Variants in CELF2 observed in about 807,000 individuals in gnomAD.
CELF2 encodes the protein CUG triplet repeat RNA-binding protein 2.
Under a neutral mutation model 62.6 loss-of-function variants are expected in CELF2, and 8 were observed. The ratio of observed to expected loss-of-function variants is 0.13; its 90% confidence interval spans 0.07 to 0.23. The LOEUF (loss-of-function observed/expected upper bound fraction) is 0.23, where lower values mean the gene tolerates loss of function less well. Among genes scored for constraint, CELF2 ranks in the 10% least tolerant of loss-of-function variants. CELF2 has a pLI of 1.00. For synonymous variants in CELF2, 258 were observed against 250.0 expected (o/e 1.03, Z -0.30); for missense variants, 333 against 671.0 (o/e 0.50, Z 5.56).
At chr10:11,148,403 GA>G in intron 1 of CELF2, among the ~76,000 whole-genome samples, 1 of 152,314 alleles carries the variant, frequency 6.6e-6, no homozygotes, top group Admixed American at 6.5e-5. Context: ...TATTAGTAGT[GA>G]GTTTTGCCCA....
chr10:10,761,632 A>G, the CELF2 span, among the ~76,000 whole-genome samples: 3 of 152,172 alleles, frequency 2.0e-5, no homozygotes, highest in Non-Finnish European at 4.4e-5. Flanking sequence ...ACAAAAGCCA[A>G]CCTCCCACAT....
At chr10:10,705,994 C>T in the CELF2 span, among the ~76,000 whole-genome samples, 2 of 152,176 alleles carry the variant, frequency 1.3e-5, no homozygotes, top group Admixed American at 1.3e-4. Flanking sequence ...TGGTGCCACA[C>T]TCTACATCCC....
At chr10:10,606,814 T>C in the CELF2 span, among the ~76,000 whole-genome samples, 1 of 152,150 alleles carries the variant, frequency 6.6e-6, no homozygotes, top group African/African-American at 2.4e-5. Flanking sequence ...TGGGAAAGTC[T>C]CCTTTCTCAT....
intron 2 of CELF2, among the ~76,000 whole-genome samples, chr10:10,966,246 C>T (rs1024512868): frequency 6.6e-6 from 1 of 152,254 alleles, no homozygotes; most frequent in Non-Finnish European, 1.5e-5. Flanking sequence ...ACTCACACAA[C>T]CCCTTTGCCC....
the CELF2 span, among the ~76,000 whole-genome samples, chr10:10,668,949 C>T: frequency 6.6e-6 from 1 of 150,982 alleles, no homozygotes; most frequent in Non-Finnish European, 1.5e-5. Context: ...CAGAGTGAGA[C>T]CCTGACAAAA....
chr10:10,678,863 G>T, the CELF2 span, among the ~76,000 whole-genome samples: 1 of 152,066 alleles, frequency 6.6e-6, no homozygotes, highest in South Asian at 2.1e-4. Context: ...GCACAAATGG[G>T]GTTTATGCTG....
the CELF2 span, among the ~76,000 whole-genome samples, chr10:10,687,175 T>C: frequency 6.6e-6 from 1 of 152,192 alleles, no homozygotes; most frequent in Non-Finnish European, 1.5e-5. Context: ...ACATGCAAAG[T>C]GCTGATACAG....
At chr10:10,792,628 G>T in the CELF2 span, 1 of 391,012 alleles carries the variant, frequency 2.6e-6, no homozygotes, top group Non-Finnish European at 4.5e-6. Context: ...GTGATTCCCT[G>T]GTCTATGATA....
chr10:11,157,720 G>A lies in CELF2; in HGVS notation c.75-7766G>A, dbSNP rs2064824412. Among the ~76,000 whole-genome samples the A allele has an allele frequency of 2.6e-5, 4 of 152,270 alleles. 1 individual carries two copies. In the South Asian group the frequency reaches 8.3e-4, roughly 32 times the overall value. On this transcript the variant is annotated intron_variant, in intron 1 of 12. Coordinates refer to ENST00000633077, the MANE Select transcript of CELF2 (RefSeq NM_001326342.2). This position sits in a 1 kb window ranked among gnomAD's most constrained non-coding sequence, Gnocchi z 4.9. ...ATGAGAAGGAAAGAAAAGGACTCAG[G>A]GTAAACCTCAGTTTTGTTTAAGATT...
chr10:10,476,810 C>G, the CELF2 span, among the ~76,000 whole-genome samples: 1 of 151,910 alleles, frequency 6.6e-6, no homozygotes, highest in Admixed American at 6.6e-5. Flanking sequence ...TGTGTTCTTT[C>G]TCACAGAGTT....
rs1008231170 is a variant in CELF2 at position 11,315,213 on chromosome 10, C to T, written c.1096+955C>T. Among the ~76,000 whole-genome samples, 3 of 152,136 alleles carry T rather than the reference C, an allele frequency of 2.0e-5. No homozygotes were observed. Among genetic ancestry groups the T allele is most frequent in the African/African-American group, 7.2e-5 (3 of 41,408 alleles). ...CCCTCCGTTTCAGATCCCCTGGTTG[C>T]CTGAGAGTAGCCAAGCCCAGCAGAT... is the stretch of plus-strand genomic sequence containing the variant. On this transcript the variant is annotated intron_variant, in intron 10 of 12. Coordinates refer to ENST00000633077, the MANE Select transcript of CELF2 (RefSeq NM_001326342.2). This position sits in a 1 kb window ranked among gnomAD's most constrained non-coding sequence, Gnocchi z 5.8.
intron 1 of CELF2, among the ~76,000 whole-genome samples, chr10:10,841,525 C>G (rs2132522169): frequency 6.6e-6 from 1 of 151,350 alleles, no homozygotes; most frequent in African/African-American, 2.4e-5. Flanking sequence ...CCATTCTTTC[C>G]CCATTGAATT....
intron 2 of CELF2, among the ~76,000 whole-genome samples, chr10:10,920,515 C>T (rs1310902163): frequency 6.6e-6 from 1 of 152,082 alleles, no homozygotes; most frequent in African/African-American, 2.4e-5. Context: ...AATATTATAT[C>T]ATAGAAAGAA....
the CELF2 span, among the ~76,000 whole-genome samples, chr10:10,532,346 A>G: frequency 2.0e-5 from 3 of 152,240 alleles, no homozygotes; most frequent in Non-Finnish European, 4.4e-5. Flanking sequence ...TGGGATGATG[A>G]TTGACAGGGA....
At chr10:10,529,420 C>T in the CELF2 span, among the ~76,000 whole-genome samples, 1 of 152,154 alleles carries the variant, frequency 6.6e-6, no homozygotes, top group Non-Finnish European at 1.5e-5. Context: ...GGCACAGTGG[C>T]TCACACCTAT....
At chr10:10,941,005 G>A (rs1176770584) in intron 2 of CELF2, among the ~76,000 whole-genome samples, 3 of 151,984 alleles carry the variant, frequency 2.0e-5, no homozygotes, top group Non-Finnish European at 2.9e-5. Context: ...TTATAGTCAG[G>A]GTGATCTTTT....
At chr10:11,015,408 C>G (rs1474524573), upstream of CELF2, among the ~76,000 whole-genome samples, 3 of 152,122 alleles carry the variant, frequency 2.0e-5, no homozygotes, top group Non-Finnish European at 4.4e-5. The surrounding 1 kb of genome is among the most constrained non-coding windows in gnomAD (Gnocchi z 4.8). Context: ...TTGTCAATAA[C>G]CTATGGTGGG....
At chr10:10,583,596 G>A in the CELF2 span, among the ~76,000 whole-genome samples, 13 of 152,168 alleles carry the variant, frequency 8.5e-5, no homozygotes, top group Non-Finnish European at 1.3e-4. Context: ...CCAGGTTGCC[G>A]GGGCAGGACT....
the CELF2 span, among the ~76,000 whole-genome samples, chr10:10,578,222 T>C: frequency 6.6e-6 from 1 of 152,226 alleles, no homozygotes; most frequent in African/African-American, 2.4e-5. Context: ...GTTTTTTTCT[T>C]GTAAATTTGT....
Sources: allele counts gnomAD v4.1 joint callset (sites outside exome capture counted in the v4.1 genomes callset), GRCh38; gene constraint gnomAD v4.1.1; non-coding constraint Gnocchi (gnomAD v3.1); transcripts MANE v1.5; gene names NCBI Gene and HGNC (gene_info 2026-07-23, HGNC 2026-07-21).